The following CNIH3 variants were observed in gnomAD, a reference collection of about 807,000 sequenced individuals.
The protein encoded by CNIH3 is cornichon family AMPA receptor auxiliary protein 3, also known as protein cornichon homolog 3.
CNIH3 carries 14 observed loss-of-function variants against 24.1 expected under a neutral mutation model. The ratio of observed to expected loss-of-function variants is 0.58; its 90% CI spans 0.38 to 0.91. CNIH3 has a LOEUF of 0.91. CNIH3 is among the 40% of genes least tolerant of loss of function. The pLI is 0.00. For synonymous variants in CNIH3, 68 were observed against 73.8 expected, an observed-to-expected ratio of 0.92 and a Z score of 0.40; for missense variants, 178 against 196.8, an observed-to-expected ratio of 0.90 and a Z score of 0.57.
At chr1:224,657,429 G>GAA (rs1685149915) in intron 1 of CNIH3, among the ~76,000 whole-genome samples, 1 of 151,990 alleles carries the variant, frequency 6.6e-6, no homozygotes, top group African/African-American at 2.4e-5. Flanking sequence ...GAGAGAGAGA[G>GAA]AGAGAAATAT....
At chr1:224,483,124 G>A (rs1162330418) in intron 1 of CNIH3, among the ~76,000 whole-genome samples, 1 of 152,154 alleles carries the variant, frequency 6.6e-6, no homozygotes, top group Non-Finnish European at 1.5e-5. Flanking sequence ...GGATGGTGTT[G>A]GCAATTCAAA....
At chr1:224,565,924 C>T (rs1317091359) in intron 3 of CNIH3, 1 of 151,922 alleles carries the variant, frequency 6.6e-6, no homozygotes, top group Non-Finnish European at 1.5e-5. Context: ...TCTTTGCTTC[C>T]CTCACACTGA....
chr1:224,723,953 C>T (rs769779501), intron 3 of CNIH3, among the ~76,000 whole-genome samples: 8 of 152,158 alleles, frequency 5.3e-5, no homozygotes, highest in East Asian at 3.8e-4. Flanking sequence ...TGATGGTTCA[C>T]GCCGCTAATC....
chr1:224,614,339 T>G (rs1682839867), upstream of CNIH3, among the ~76,000 whole-genome samples: 1 of 152,174 alleles, frequency 6.6e-6, no homozygotes. Flanking sequence ...TTGCTCTAAT[T>G]TCTCCACTTC....
chr1:224,584,832 G>T lies in CNIH3; in HGVS notation n.620+1565G>T, dbSNP rs142074873. 2.6e-3 allele frequency among the ~76,000 whole-genome samples: 397 copies of T among 152,294 alleles called. 4 individuals carry two copies. Among genetic ancestry groups the T allele is most frequent in the East Asian group, 0.019 (97 of 5,184 alleles). ...GTAAGATAAGAAAATGAGAATCTCA[G>T]CAATGCCTAATGGGTTGGCCCAGCA... On this transcript the variant is annotated intron_variant and non_coding_transcript_variant, in intron 5 of 5. Coordinates refer to the CNIH3 transcript ENST00000471578.
chr1:224,480,884 G>T (rs1219063287), intron 1 of CNIH3, among the ~76,000 whole-genome samples: 1 of 152,176 alleles, frequency 6.6e-6, no homozygotes, highest in Non-Finnish European at 1.5e-5. Context: ...CTGCCTGTTA[G>T]GTCCAAAGTT....
At chr1:224,711,794 CA>C (rs11437581) in intron 3 of CNIH3, among the ~76,000 whole-genome samples, 17,073 of 65,160 alleles carry the variant, frequency 0.26, 770 homozygotes, top group East Asian at 0.41. Flanking sequence ...GACCCTGTCT[CA>C]AAAAAAAAAA....
chr1:224,670,916 TG>T (rs1685833078), intron 1 of CNIH3, among the ~76,000 whole-genome samples: 1 of 152,240 alleles, frequency 6.6e-6, no homozygotes. Flanking sequence ...AGGGTGTTTT[TG>T]GATAAGATTA....
At chr1:224,694,353 A>C (rs1307927944) in intron 3 of CNIH3, among the ~76,000 whole-genome samples, 1 of 152,238 alleles carries the variant, frequency 6.6e-6, no homozygotes, top group Non-Finnish European at 1.5e-5. Context: ...GCAGGAGAAG[A>C]AACCCTAAAA....
intron 4 of CNIH3, among the ~76,000 whole-genome samples, chr1:224,734,256 C>T (rs1390085927): frequency 1.3e-5 from 2 of 152,338 alleles, no homozygotes; most frequent in East Asian, 1.9e-4. Flanking sequence ...TGCACTTGTC[C>T]TGAGAGGCGG....
chr1:224,559,307 G>A (rs574925115), intron 3 of CNIH3, among the ~76,000 whole-genome samples: 8 of 152,192 alleles, frequency 5.3e-5, no homozygotes, highest in Admixed American at 2.6e-4. Flanking sequence ...ATGGTTTATC[G>A]TGTGATGAAA....
intron 1 of CNIH3, among the ~76,000 whole-genome samples, chr1:224,461,776 A>T (rs1243536137): frequency 2.6e-5 from 4 of 152,236 alleles, no homozygotes; most frequent in Non-Finnish European, 1.5e-5. Context: ...AAGAAAACCC[A>T]TATCAATTAG....
At chr1:224,531,069 A>G (rs535021088) in intron 2 of CNIH3, among the ~76,000 whole-genome samples, 5 of 152,124 alleles carry the variant, frequency 3.3e-5, no homozygotes, top group Admixed American at 6.5e-5. Context: ...TCATCTTCCA[A>G]TTTCCTCTTC....
intron 1 of CNIH3, among the ~76,000 whole-genome samples, chr1:224,633,250 C>A (rs976949310): frequency 6.6e-6 from 1 of 152,034 alleles, no homozygotes; most frequent in African/African-American, 2.4e-5. Context: ...CTTCTGCCTC[C>A]CAGGTTCAAG....
intron 2 of CNIH3, among the ~76,000 whole-genome samples, chr1:224,536,441 G>A (rs554366265): frequency 1.3e-3 from 199 of 151,992 alleles, no homozygotes; most frequent in Non-Finnish European, 2.5e-3. Flanking sequence ...ACAGGCATGC[G>A]CCACCACGCC....
At chr1:224,599,713 A>G (rs1158734659) in intron 3 of CNIH3, among the ~76,000 whole-genome samples, 1 of 152,104 alleles carries the variant, frequency 6.6e-6, no homozygotes, top group African/African-American at 2.4e-5. Flanking sequence ...TATATGCTTA[A>G]TAACTTTTAT....
chr1:224,446,674 G>A (rs1356922712), intron 1 of CNIH3, among the ~76,000 whole-genome samples: 2 of 152,196 alleles, frequency 1.3e-5, no homozygotes, highest in African/African-American at 2.4e-5. Context: ...ACTGTTAAAA[G>A]ACTCAAATTA....
intron 1 of CNIH3, among the ~76,000 whole-genome samples, chr1:224,508,712 A>C (rs998591331): frequency 1.3e-5 from 2 of 152,226 alleles, no homozygotes; most frequent in African/African-American, 2.4e-5. Context: ...ATTCTTCAAA[A>C]TATAGTACAA....
chr1:224,630,554 C>T (rs971924332), intron 1 of CNIH3, among the ~76,000 whole-genome samples: 1 of 151,536 alleles, frequency 6.6e-6, no homozygotes, highest in African/African-American at 2.4e-5. Context: ...ACATCCCACA[C>T]TTACCTGGCC....
Sources: gnomAD v4.1 joint callset for allele counts (sites outside exome capture counted in the v4.1 genomes callset) on GRCh38, gnomAD v4.1.1 for gene constraint, MANE v1.5 for transcripts, NCBI Gene and HGNC (gene_info 2026-07-23, HGNC 2026-07-21) for gene names.